Variants in PARD3B observed in about 807,000 individuals in gnomAD.
The protein encoded by PARD3B is par-3 family cell polarity regulator beta.
PARD3B carries 103 observed loss-of-function variants against 130.2 expected under a neutral mutation model. The observed-to-expected ratio is 0.79, with a 90% CI of 0.67 to 0.93. The LOEUF is 0.93. Ranked by LOEUF, PARD3B falls within the 40% of genes least tolerant of loss-of-function variation. The pLI, the probability that PARD3B is intolerant of heterozygous loss-of-function variation, is 0.00. For missense variants in PARD3B, 1,609 were observed against 1,499.2 expected (o/e 1.07, Z -1.21); for synonymous variants, 583 against 553.2 (o/e 1.05, Z -0.76).
At chr2:205,089,609 C>A (rs1393550890) in intron 4 of PARD3B, among the ~76,000 whole-genome samples, 5 of 152,206 alleles carry the variant, frequency 3.3e-5, no homozygotes, top group African/African-American at 1.2e-4. Flanking sequence ...TGTACACCAA[C>A]TACCAAACAA....
intron 14 of PARD3B, 144 bp from the exon 15 acceptor site, chr2:205,193,061 C>A: frequency 6.7e-6 from 4 of 600,208 alleles, no homozygotes; most frequent in Admixed American, 3.0e-5. Context: ...ATAAAAGAAA[C>A]CTGAGATTTA....
intron 21 of PARD3B, among the ~76,000 whole-genome samples, chr2:205,510,256 G>A (rs1018392107): frequency 6.6e-6 from 1 of 152,216 alleles, no homozygotes; most frequent in African/African-American, 2.4e-5. Context: ...TGTAGGAAGT[G>A]TCAATAAACA....
At chr2:205,067,495 AC>A (rs544764171) in intron 4 of PARD3B, among the ~76,000 whole-genome samples, 1 of 152,204 alleles carries the variant, frequency 6.6e-6, no homozygotes, top group Admixed American at 6.6e-5. Flanking sequence ...AATTTGTGTT[AC>A]AGATAAATTT....
intron 21 of PARD3B, among the ~76,000 whole-genome samples, chr2:205,544,848 A>C (rs1300736211): frequency 6.6e-6 from 1 of 152,236 alleles, no homozygotes; most frequent in Middle Eastern, 3.2e-3. Flanking sequence ...GATAACTTTT[A>C]TAAATGTGCA....
intron 5 of PARD3B, among the ~76,000 whole-genome samples, chr2:205,112,058 T>G (rs1212482251): frequency 6.6e-6 from 1 of 152,094 alleles, no homozygotes; most frequent in African/African-American, 2.4e-5. Context: ...AGTGTTCATA[T>G]CCTCAAATAT....
rs960291147 is a variant in PARD3B, at chr2:205,440,652, T to G, written c.3024T>G (p.His1008Gln). The G allele has an allele frequency of 1.2e-6, 2 of 1,613,316 alleles. No homozygotes were observed. The highest frequency in any genetic ancestry group is 1.3e-5 in the African/African-American group (1 of 75,016). The change falls in exon 20 of 23, where the codon CAT (histidine) becomes CAG (glutamine). Residue 1008 changes from histidine to glutamine, a missense_variant. Coordinates refer to ENST00000406610, the MANE Select transcript of PARD3B (RefSeq NM_001302769.2). The surrounding 1 kb of genome is among the most constrained non-coding windows in gnomAD (Gnocchi z 4.2). ...ATGCCAAGGTCAACAAGCCATACCA[T>G]CCACTGGTTCCAGCTGACAGGTAAT... The part of the protein sequence containing the change: ...GLYAKVNKPY[H>Q]PLVPADSGRP...
At chr2:205,139,121 A>G (rs540968605) in intron 10 of PARD3B, among the ~76,000 whole-genome samples, 2 of 152,314 alleles carry the variant, frequency 1.3e-5, no homozygotes, top group East Asian at 3.9e-4. Context: ...TGGAGATACC[A>G]TGGAGTAAAC....
intron 2 of PARD3B, among the ~76,000 whole-genome samples, chr2:204,934,343 T>C (rs1688249325): frequency 6.6e-6 from 1 of 152,190 alleles, no homozygotes; most frequent in Non-Finnish European, 1.5e-5. Context: ...TTCATTTTAT[T>C]GGATTTTGGT....
At chr2:204,553,537 G>GGTGTGT (rs36193401) in intron 1 of PARD3B, among the ~76,000 whole-genome samples, 1 of 136,066 alleles carries the variant, frequency 7.3e-6, no homozygotes, top group African/African-American at 2.8e-5. Flanking sequence ...GAATCTGTGG[G>GGTGTGT]GTGTGTGTGT....
At chr2:205,574,586 G>A (rs910330865) in intron 22 of PARD3B, among the ~76,000 whole-genome samples, 3 of 152,008 alleles carry the variant, frequency 2.0e-5, no homozygotes, top group East Asian at 1.9e-4. Context: ...TAAAACCCCC[G>A]TTTTCTAGCA....
chr2:205,178,572 T>G lies in PARD3B; in HGVS notation c.1924+1995T>G, dbSNP rs6710090. Among the ~76,000 whole-genome samples, 1,131 of 152,358 alleles carry G rather than the reference T, an allele frequency of 7.4e-3. 8 individuals carry two copies. Among genetic ancestry groups the G allele is most frequent in the African/African-American group, 0.025 (1,059 of 41,586 alleles). ...AAGTTTTCTGCAAAATAAAACAGTC[T>G]TCTTTCTACCTTATGATCACGAATG... On this transcript the variant is annotated intron_variant, in intron 13 of 22. Transcript: ENST00000406610.
chr2:205,062,336 A>G (rs889639330), intron 4 of PARD3B, among the ~76,000 whole-genome samples: 2 of 152,168 alleles, frequency 1.3e-5, no homozygotes, highest in Admixed American at 6.6e-5. Context: ...CATGAGTCAC[A>G]GAGAGCACAG....
chr2:205,020,072 A>G (rs1696480459), intron 3 of PARD3B, among the ~76,000 whole-genome samples: 1 of 152,060 alleles, frequency 6.6e-6, no homozygotes, highest in South Asian at 2.1e-4. Flanking sequence ...CTTACTCCCC[A>G]CCTATATCCC....
chr2:205,304,533 G>A (rs918452233), intron 18 of PARD3B, among the ~76,000 whole-genome samples: 1 of 151,930 alleles, frequency 6.6e-6, no homozygotes, highest in African/African-American at 2.4e-5. Context: ...TACTCGGGAG[G>A]CTGAGACAGG....
chr2:205,321,971 A>G lies in PARD3B; in HGVS notation c.2630+20270A>G, dbSNP rs944526305. ...CTTGAATGAAATGGTGAACAGGAAA[A>G]TATCCTGCTTGTTATTGTTAAAATT... is the stretch of plus-strand genomic sequence containing the variant. On this transcript the variant is annotated intron_variant, in intron 18 of 22. Transcript: ENST00000406610. This position sits in a 1 kb window ranked among gnomAD's most constrained non-coding sequence, Gnocchi z 4.2. 1.1e-4 allele frequency among the ~76,000 whole-genome samples: 17 copies of G among 152,318 alleles called. No individual in the cohort carries two copies. Among genetic ancestry groups the G allele is most frequent in the African/African-American group, 3.4e-4 (14 of 41,572 alleles).
rs1020194792 is a variant in PARD3B at position 205,121,383 on chromosome 2, A to T, written c.807-208A>T. Reference sequence around the variant, plus strand: ...AATTAGAGAAGGATGCATGCTAATAATGCATGTATAAGCTAGTGCAGGGGC... The same window carrying T: ...AATTAGAGAAGGATGCATGCTAATATTGCATGTATAAGCTAGTGCAGGGGC... On this transcript the variant is annotated intron_variant, in intron 7 of 22. Coordinates refer to ENST00000406610, the MANE Select transcript of PARD3B (RefSeq NM_001302769.2). This position sits in a 1 kb window ranked among gnomAD's most constrained non-coding sequence, Gnocchi z 5.0. Among the ~76,000 whole-genome samples, 2 of 152,218 alleles carry T rather than the reference A, an allele frequency of 1.3e-5. No individual in the cohort carries two copies. Among genetic ancestry groups the T allele is most frequent in the African/African-American group, 4.8e-5 (2 of 41,450 alleles).
At chr2:205,459,451 T>C (rs757915252) in intron 20 of PARD3B, among the ~76,000 whole-genome samples, 6 of 152,158 alleles carry the variant, frequency 3.9e-5, no homozygotes, top group African/African-American at 7.2e-5. Flanking sequence ...ACTTCGTTGT[T>C]AGAAGGATAA....
chr2:205,236,198 A>G (rs1216376457), intron 15 of PARD3B, among the ~76,000 whole-genome samples: 1 of 152,210 alleles, frequency 6.6e-6, no homozygotes, highest in African/African-American at 2.4e-5. Flanking sequence ...AATTATAGCT[A>G]AATACTTTCT....
At chr2:205,223,128 G>T (rs2038332302) in intron 15 of PARD3B, among the ~76,000 whole-genome samples, 1 of 152,076 alleles carries the variant, frequency 6.6e-6, no homozygotes, top group African/African-American at 2.4e-5. Flanking sequence ...GAGATCAGCG[G>T]CATTTTCAAC....
Sources: gnomAD v4.1 joint callset for allele counts (sites outside exome capture counted in the v4.1 genomes callset) on GRCh38, gnomAD v4.1.1 for gene constraint, Gnocchi (gnomAD v3.1) non-coding constraint, MANE v1.5 for transcripts, NCBI Gene and HGNC (gene_info 2026-07-23, HGNC 2026-07-21) for gene names.